Variants in SCAF4 observed in about 807,000 individuals in gnomAD.
SCAF4 encodes the protein SR-related and CTD-associated factor 4.
Under a neutral mutation model 129.8 loss-of-function variants are expected in SCAF4, and 25 were observed. That is an observed-to-expected ratio of 0.19 (90% CI 0.14 to 0.27). The LOEUF (loss-of-function observed/expected upper bound fraction) is 0.27. SCAF4 is among the 10% of genes least tolerant of loss of function. The pLI is 1.00. For missense variants in SCAF4, 1,246 were observed against 1,457.1 expected (o/e 0.86, Z 2.36); for synonymous variants, 551 against 497.7 (o/e 1.11, Z -1.43).
chr21:31,681,139 G>C (rs1253814346), intron 19 of SCAF4, among the ~76,000 whole-genome samples: 1 of 152,140 alleles, frequency 6.6e-6, no homozygotes, highest in Non-Finnish European at 1.5e-5. Flanking sequence ...AGTAGGAAGT[G>C]ATCTTACAAA....
chr21:31,709,853 TTA>T (rs931727882), intron 1 of SCAF4, among the ~76,000 whole-genome samples: 2 of 142,290 alleles, frequency 1.4e-5, no homozygotes, highest in African/African-American at 2.7e-5. Flanking sequence ...GAGATGATAC[TTA>T]AAAAAAAAAA....
At chr21:31,726,976 G>A (rs2051221008) in intron 1 of SCAF4, among the ~76,000 whole-genome samples, 1 of 152,118 alleles carries the variant, frequency 6.6e-6, no homozygotes, top group South Asian at 2.1e-4. Flanking sequence ...GGGTTGGAGT[G>A]AGGATGAAAG....
intron 7 of SCAF4, among the ~76,000 whole-genome samples, chr21:31,699,500 TTG>T (rs1045393307): frequency 2.7e-4 from 40 of 145,754 alleles, no homozygotes; most frequent in African/African-American, 1.1e-3. Context: ...TCTGTATTAT[TTG>T]TTTTTTTTTT....
chr21:31,679,647 T>C (rs972692147), intron 19 of SCAF4, among the ~76,000 whole-genome samples: 1 of 152,206 alleles, frequency 6.6e-6, no homozygotes, highest in Non-Finnish European at 1.5e-5. Flanking sequence ...TAAGAGAAAT[T>C]TGAGTTTTCA....
In SCAF4 at chr21:31,717,878, CATATAT is replaced by C. The variant is rs1248727585; in HGVS notation, c.31-11527_31-11522del. 2.8e-3 allele frequency among the ~76,000 whole-genome samples: 295 copies of C among 105,794 alleles called. 3 individuals carry two copies. The highest frequency in any genetic ancestry group is 0.012 in the African/African-American group (275 of 22,246). 69.4% of individuals were successfully genotyped at this position (105,794 alleles called of 152,430 possible). ...ACACACACACACACACACATATACA[CATATAT>C]ACACATATATACACATATATACACA... On this transcript the variant is annotated intron_variant, in intron 1 of 19. Coordinates refer to ENST00000286835, the MANE Select transcript of SCAF4 (RefSeq NM_020706.2).
Position 31,688,445 on chromosome 21 carries a change from C to T in SCAF4, c.1905G>A (p.Lys635=), listed in dbSNP as rs149382663. Residue 635 remains lysine, a synonymous_variant, in exon 16 of 20, where the codon AAG becomes AAA. Coordinates refer to ENST00000286835, the MANE Select transcript of SCAF4 (RefSeq NM_020706.2). ...TTTGAGCAACTTCATTTTCAGGCTT[C>T]TTAGGAATTCCTTTCCAATCTGTGA... ...TLNPDWKGIP[K]KPENEVAQNG... The T allele has an allele frequency of 2.9e-5, 46 of 1,613,722 alleles. No individual in the cohort carries two copies. Among genetic ancestry groups the T allele is most frequent in the Non-Finnish European group, 3.7e-5 (44 of 1,179,876 alleles).
At chr21:31,703,575 T>C (rs1371670257) in intron 4 of SCAF4, among the ~76,000 whole-genome samples, 190 bp downstream of exon 4, 1 of 152,146 alleles carries the variant, frequency 6.6e-6, no homozygotes. Context: ...GTATGACTGA[T>C]AATCCTGAAG....
chr21:31,679,841 G>T (rs2123479566), intron 19 of SCAF4, among the ~76,000 whole-genome samples: 1 of 152,234 alleles, frequency 6.6e-6, no homozygotes, highest in South Asian at 2.1e-4. Flanking sequence ...ACTTCCTACA[G>T]ATTTGCTTTT....
At chr21:31,686,623 A>C (rs1045507918) in intron 16 of SCAF4, among the ~76,000 whole-genome samples, 4 of 151,408 alleles carry the variant, frequency 2.6e-5, no homozygotes, top group African/African-American at 4.9e-5. Context: ...AATTTTAACA[A>C]CCCCCCCAGC....
intron 1 of SCAF4, among the ~76,000 whole-genome samples, chr21:31,722,261 T>C (rs1386430404): frequency 1.3e-5 from 2 of 152,174 alleles, no homozygotes; most frequent in East Asian, 1.9e-4. Flanking sequence ...TTGATATACC[T>C]GTTCATTTGG....
rs369451026 is a variant in SCAF4, at chr21:31,706,556, CAAG to C, written c.31-202_31-200del. ...ACACCCTCCCCACTGCCGTGATACC[CAAG>C]AAGAAGGTTAGCTCTGCCAAAGGGG... On this transcript the variant is annotated intron_variant, in intron 1 of 19. Coordinates refer to ENST00000286835, the MANE Select transcript of SCAF4 (RefSeq NM_020706.2). 51 of 548,456 alleles carry C rather than the reference CAAG, an allele frequency of 9.3e-5. 2 individuals carry two copies. The highest frequency in any genetic ancestry group is 7.1e-4 in the African/African-American group (37 of 52,202). The allele number at this position is 548,456 out of a possible 1,614,324, so 34.0% of individuals were successfully genotyped here.
At chr21:31,708,566 G>C (rs933375669) in intron 1 of SCAF4, among the ~76,000 whole-genome samples, 2 of 151,988 alleles carry the variant, frequency 1.3e-5, no homozygotes, top group African/African-American at 4.8e-5. Context: ...AATCTATTAA[G>C]ACAGTTGCTT....
chr21:31,707,024 C>CT (rs779895040), intron 1 of SCAF4, among the ~76,000 whole-genome samples: 30 of 151,932 alleles, frequency 2.0e-4, no homozygotes, highest in Non-Finnish European at 4.0e-4. Context: ...TGTATAAATG[C>CT]TTTTTTTTAA....
rs780129429 is a variant in SCAF4 at position 31,694,238 on chromosome 21, C to T, written c.1288G>A (p.Asp430Asn). 3 of 1,609,934 alleles carry T rather than the reference C, an allele frequency of 1.9e-6. No individual in the cohort carries two copies. The highest frequency in any genetic ancestry group is 1.7e-4 in the Middle Eastern group (1 of 6,042). The part of the protein sequence containing the change: ...CIQEVKRHMS[D>N]NRKSRSRSAS... The stretch of plus-strand genomic sequence containing the variant: ...GACCTAGATCTTGACTTTCTGTTAT[C>T]AGACATATGTCGCTTAACCTCTTGA... The change falls in exon 11 of 20, where the codon GAT becomes AAT. Residue 430 changes from aspartate (D) to asparagine (N), a missense_variant. Physicochemically the swap from Asp to Asn is conservative, Grantham distance 23. Coordinates refer to ENST00000286835, the MANE Select transcript of SCAF4 (RefSeq NM_020706.2).
At position 31,685,749 on chromosome 21, in the gene SCAF4, A is replaced by G. The variant is rs370308214; in HGVS notation, c.2044-16T>C. The G allele has an allele frequency of 6.4e-7, 1 of 1,557,358 alleles. No homozygotes were observed. The highest frequency in any genetic ancestry group is 8.6e-7 in the Non-Finnish European group (1 of 1,157,102). ...GTGGTGGGACCTAGAAAGAAAGATA[A>G]AAGAATAAACCACCTATCTAGACAC... On this transcript the variant is annotated splice_polypyrimidine_tract_variant and intron_variant, in intron 16 of 19. Transcript: ENST00000286835.
chr21:31,696,549 G>T lies in SCAF4; in HGVS notation c.959+20C>A. 1 of 1,571,944 alleles carries T rather than the reference G, an allele frequency of 6.4e-7. No homozygotes were observed. The highest frequency in any genetic ancestry group is 1.2e-5 in the South Asian group (1 of 86,734). On this transcript the variant is annotated intron_variant, in intron 8 of 19. Coordinates refer to ENST00000286835, the MANE Select transcript of SCAF4 (RefSeq NM_020706.2). ...TATTACCAATTTTCTATCTGCTGAGGAATAAAAAAAAAAACTAACAATGGT... is the reference window on the plus strand; with the variant it reads ...TATTACCAATTTTCTATCTGCTGAGTAATAAAAAAAAAAACTAACAATGGT...
At chr21:31,686,398 C>T (rs1344886588) in intron 16 of SCAF4, among the ~76,000 whole-genome samples, 4 of 152,094 alleles carry the variant, frequency 2.6e-5, no homozygotes, top group African/African-American at 4.8e-5. Context: ...GCAATTTACA[C>T]AATGGCTAAG....
Position 31,671,926 on chromosome 21 carries a change from G to C in SCAF4, c.2917C>G (p.Pro973Ala), listed in dbSNP as rs752688174. 2.4e-5 allele frequency: 38 copies of C among 1,611,974 alleles called. No individual in the cohort carries two copies. In the Middle Eastern group the frequency reaches 4.9e-4, roughly 21 times the overall value. The stretch of plus-strand genomic sequence containing the variant: ...TGTGGCTGCTGCTGTGTTGGTGGAG[G>C]CTGTTGTGATGGTGGTGGCTGCTGC... ...QQQQPPPSQQ[P>A]PPTQQQPQQF... The change falls in exon 20 of 20, where the codon CCT (proline) becomes GCT (alanine). Residue 973 changes from proline to alanine, a missense_variant. By Grantham distance (27) the Pro-to-Ala change is conservative (BLOSUM62 -1). Around this residue, in one of 6 missense-constraint regions of SCAF4, gnomAD observed 339 missense variants for 325.0 expected, o/e 1.04. Transcript: ENST00000286835.
chr21:31,694,174 G>C, intron 11 of SCAF4, 30 bp downstream of exon 11: 1 of 1,274,646 alleles, frequency 7.8e-7, no homozygotes, highest in Non-Finnish European at 1.1e-6. Context: ...AAGATATACA[G>C]GGTTGGAAAA....
Sources: gnomAD v4.1 joint callset for allele counts (sites outside exome capture counted in the v4.1 genomes callset) on GRCh38, gnomAD v4.1.1 for gene constraint, gnomAD v4.1.1 regional missense constraint, MANE v1.5 for transcripts, NCBI Gene and HGNC (gene_info 2026-07-23, HGNC 2026-07-21) for gene names.